The following SLIT2 variants were observed in gnomAD, a reference collection of about 807,000 sequenced individuals.
SLIT2 encodes the protein slit guidance ligand 2.
In SLIT2, 41 loss-of-function variants were observed where a neutral mutation model predicts 185.7. The ratio of observed to expected loss-of-function variants is 0.22; its 90% CI spans 0.17 to 0.29. SLIT2 has a LOEUF of 0.29. SLIT2 is among the 10% of genes least tolerant of loss of function. The probability of loss-of-function intolerance (pLI) is 1.00; values close to 1 mark genes in which losing one functional copy is unlikely to be tolerated. For missense variants in SLIT2, 1,571 were observed against 1,909.0 expected, an observed-to-expected ratio of 0.82 and a Z score of 3.30; for synonymous variants, 693 against 680.2, an observed-to-expected ratio of 1.02 and a Z score of -0.29.
At chr4:20,368,352 A>AT (rs1419603855) in intron 4 of SLIT2, among the ~76,000 whole-genome samples, 2 of 151,734 alleles carry the variant, frequency 1.3e-5, no homozygotes, top group Non-Finnish European at 2.9e-5. Flanking sequence ...TTAAAAAAAA[A>AT]GATTAACAGA....
intron 16 of SLIT2, 60 bp from the exon 17 acceptor site, chr4:20,531,924 A>G (rs1176807465): frequency 3.3e-6 from 3 of 904,016 alleles, no homozygotes; most frequent in Non-Finnish European, 5.1e-6. Flanking sequence ...TGAGAAATCA[A>G]ATTTAATCCT....
intron 4 of SLIT2, among the ~76,000 whole-genome samples, chr4:20,387,808 G>A (rs1202016151): frequency 6.6e-6 from 1 of 152,098 alleles, no homozygotes; most frequent in African/African-American, 2.4e-5. Context: ...GGATGGGCCT[G>A]GAAGTGGGTT....
In SLIT2 at chr4:20,472,338, C is replaced by A. The variant is rs866353785; in HGVS notation, c.467+4515C>A. 1.2e-3 allele frequency among the ~76,000 whole-genome samples: 21 copies of A among 17,120 alleles called. 1 individual carries two copies. The highest frequency in any genetic ancestry group is 6.9e-3 in the East Asian group (2 of 288). The allele number at this position is 17,120 out of a possible 152,430, so 11.2% of individuals were successfully genotyped here. On this transcript the variant is annotated intron_variant, in intron 5 of 36. Coordinates refer to ENST00000504154, the MANE Select transcript of SLIT2 (RefSeq NM_004787.4). Reference sequence around the variant, plus strand: ...TAGATATATATATCTATATATAGATCTATATATAGATATAGATATCTATAT... The same window carrying A: ...TAGATATATATATCTATATATAGATATATATATAGATATAGATATCTATAT...
intron 4 of SLIT2, among the ~76,000 whole-genome samples, chr4:20,389,181 T>A (rs979929305): frequency 1.3e-5 from 2 of 151,500 alleles, no homozygotes; most frequent in African/African-American, 4.8e-5. Context: ...AACTGTAAAT[T>A]GCCATTAGAG....
chr4:20,488,678 C>A lies in SLIT2; in HGVS notation c.612-141C>A, dbSNP rs546868427. 19 of 535,426 alleles carry A rather than the reference C, an allele frequency of 3.5e-5. No homozygotes were observed. The Admixed American group carries it at 5.7e-4, about 16-fold the overall frequency. The allele number at this position is 535,426 out of a possible 1,614,324, so 33.2% of individuals were successfully genotyped here. A position where few individuals can be genotyped will look rare whatever the true frequency, so the allele number is the denominator to read the frequency against. ...AGAGAGACTTGATTCTGTGATTGTA[C>A]ATCAGTTTAATTTTTAGGAAAAATA... is the stretch of plus-strand genomic sequence containing the variant. On this transcript the variant is annotated intron_variant, in intron 7 of 36. Transcript: ENST00000504154.
chr4:20,392,527 A>C (rs772061888), intron 4 of SLIT2, among the ~76,000 whole-genome samples: 10 of 152,106 alleles, frequency 6.6e-5, no homozygotes, highest in Admixed American at 1.3e-4. Flanking sequence ...TTTCTGCAAT[A>C]ATAAATTAAC....
chr4:20,537,060 G>A (rs932222875), intron 18 of SLIT2, among the ~76,000 whole-genome samples: 6 of 152,066 alleles, frequency 3.9e-5, no homozygotes, highest in South Asian at 2.1e-4. Context: ...GAATACCTCC[G>A]GAAGGACCTG....
chr4:20,610,053 C>T lies in SLIT2; in HGVS notation c.3733C>T (p.Leu1245=). The T allele has an allele frequency of 6.2e-7, 1 of 1,613,402 alleles. No individual in the cohort carries two copies. The highest frequency in any genetic ancestry group is 1.1e-5 in the South Asian group (1 of 91,014). The change falls in exon 34 of 37, where the codon CTA becomes TTA. Residue 1245 remains leucine, a synonymous_variant. Coordinates refer to ENST00000504154, the MANE Select transcript of SLIT2 (RefSeq NM_004787.4). ...TGATGGAAACTTCCACATTGTGGAA[C>T]TACTTGCCTTGGATCAGAGTCTCTC... The part of the protein sequence containing the change: ...INDGNFHIVE[L]LALDQSLSLS...
intron 4 of SLIT2, among the ~76,000 whole-genome samples, chr4:20,320,210 C>T (rs1718947173): frequency 6.6e-6 from 1 of 152,174 alleles, no homozygotes; most frequent in African/African-American, 2.4e-5. Context: ...GATATTGTGA[C>T]TATTTTATAC....
intron 4 of SLIT2, among the ~76,000 whole-genome samples, chr4:20,375,842 T>C (rs1169610571): frequency 6.6e-6 from 1 of 152,068 alleles, no homozygotes; most frequent in Non-Finnish European, 1.5e-5. Context: ...TGTGCTTTCA[T>C]TTTAAAAATA....
At chr4:20,482,343 T>C (rs1716784192) in intron 6 of SLIT2, among the ~76,000 whole-genome samples, 1 of 152,054 alleles carries the variant, frequency 6.6e-6, no homozygotes, top group South Asian at 2.1e-4. Flanking sequence ...TCACTGTATT[T>C]ATTCAATATA....
intron 26 of SLIT2, among the ~76,000 whole-genome samples, chr4:20,564,917 A>G (rs1724968236): frequency 6.6e-6 from 1 of 151,966 alleles, no homozygotes; most frequent in Admixed American, 6.6e-5. Flanking sequence ...ATGCAAAGAA[A>G]TTAGATAGTG....
chr4:20,298,907 G>A (rs1321193632), intron 4 of SLIT2, among the ~76,000 whole-genome samples: 1 of 152,142 alleles, frequency 6.6e-6, no homozygotes, highest in Non-Finnish European at 1.5e-5. Flanking sequence ...GAGGTTGATA[G>A]TAAGCTCTTT....
At position 20,541,597 on chromosome 4, in the gene SLIT2, T is replaced by G; in HGVS notation, c.2121T>G (p.Ile707Met). ...AAATACCCATCCAGGATGTGGCCATTCAGGACTTCACTTGTGATGACGGTA... is the reference window on the plus strand; with the variant it reads ...AAATACCCATCCAGGATGTGGCCATGCAGGACTTCACTTGTGATGACGGTA... ...LKEIPIQDVA[I>M]QDFTCDDGND... Residue 707 changes from isoleucine to methionine, a missense_variant, in exon 20 of 37, where the codon ATT becomes ATG. By Grantham distance (10) the Ile-to-Met change is conservative (BLOSUM62 1). Around this residue, in one of 3 missense-constraint regions of SLIT2, gnomAD observed 1,202 missense variants for 1,416.4 expected, o/e 0.85. Coordinates refer to ENST00000504154, the MANE Select transcript of SLIT2 (RefSeq NM_004787.4). 6.2e-7 allele frequency: 1 copy of G among 1,613,962 alleles called. No individual in the cohort carries two copies. Among genetic ancestry groups the G allele is most frequent in the Non-Finnish European group, 8.5e-7 (1 of 1,179,844 alleles).
chr4:20,545,918 G>T, intron 21 of SLIT2, 113 bp from the exon 22 acceptor site: 1 of 475,716 alleles, frequency 2.1e-6, no homozygotes, highest in Non-Finnish European at 3.7e-6. Context: ...ACATCTTAAA[G>T]CAAAAATTGC....
chr4:20,482,519 AAC>A (rs1490979500), intron 6 of SLIT2, among the ~76,000 whole-genome samples: 1 of 151,978 alleles, frequency 6.6e-6, no homozygotes, highest in Non-Finnish European at 1.5e-5. Context: ...CGTTTATGAA[AAC>A]ACAATCATCT....
intron 33 of SLIT2, among the ~76,000 whole-genome samples, chr4:20,606,284 C>T (rs533071315): frequency 5.6e-4 from 85 of 152,142 alleles, no homozygotes; most frequent in African/African-American, 1.9e-3. Context: ...CACTTGAGAC[C>T]AGCCTGGGAA....
At chr4:20,532,099 T>A in intron 17 of SLIT2, 41 bp downstream of exon 17, 1 of 1,159,128 alleles carries the variant, frequency 8.6e-7, no homozygotes. Flanking sequence ...TCTGTAGCAT[T>A]TTTTGGGTGT....
At chr4:20,523,104 T>C (rs1484764216) in intron 12 of SLIT2, among the ~76,000 whole-genome samples, 1 of 152,126 alleles carries the variant, frequency 6.6e-6, no homozygotes, top group African/African-American at 2.4e-5. Context: ...TAGAGCAGGC[T>C]TGACATCTGG....
Sources: gnomAD v4.1 joint callset for allele counts (sites outside exome capture counted in the v4.1 genomes callset) on GRCh38, gnomAD v4.1.1 for gene constraint, gnomAD v4.1.1 regional missense constraint, MANE v1.5 for transcripts, NCBI Gene and HGNC (gene_info 2026-07-23, HGNC 2026-07-21) for gene names.